SENP3: variants seen among roughly 807,000 people sequenced by gnomAD.
The protein encoded by SENP3 is sentrin-specific protease 3.
A neutral mutation model predicts 66.2 loss-of-function variants in SENP3; 11 were observed. That is an observed-to-expected ratio of 0.17 (90% CI 0.10 to 0.28). SENP3 has a LOEUF of 0.28. Among genes scored for constraint, SENP3 ranks in the 10% least tolerant of loss-of-function variants. The pLI is 1.00. For synonymous variants in SENP3, 292 were observed against 277.6 expected, an observed-to-expected ratio of 1.05 and a Z score of -0.52; for missense variants, 548 against 743.7, an observed-to-expected ratio of 0.74 and a Z score of 3.06.
In SENP3 at chr17:7,570,344, CTA is replaced by C. The variant is rs769135834; in HGVS notation, c.1342-10_1342-9del. 9.9e-5 allele frequency: 160 copies of C among 1,610,408 alleles called. No individual in the cohort carries two copies. The highest frequency in any genetic ancestry group is 1.3e-4 in the Non-Finnish European group (153 of 1,177,064). ...TGTTTGTTGTACCTGACCTGTGGCA[CTA>C]TCTCTTTAGGTGGACATCTTCAATA... On this transcript the variant is annotated splice_polypyrimidine_tract_variant and intron_variant, in intron 7 of 10. Transcript: ENST00000321337. This position sits in a 1 kb window ranked among gnomAD's most constrained non-coding sequence, Gnocchi z 5.4.
At position 7,563,516 on chromosome 17, in the gene SENP3, A is replaced by C; in HGVS notation, c.440A>C (p.His147Pro). Residue 147 changes from histidine to proline, a missense_variant, in exon 2 of 11, where the codon CAC becomes CCC. By Grantham distance (77) the His-to-Pro change is moderately conservative. Coordinates refer to ENST00000321337, the MANE Select transcript of SENP3 (RefSeq NM_015670.6). ...LYSKSTSLTF[H>P]WKLWGRHRGR... ...TCAAAAAGCACCTCGCTGACATTCC[A>C]CTGGAAGCTTTGGGGGCGCCACCGG... 1.3e-6 allele frequency: 2 copies of C among 1,547,858 alleles called. No homozygotes were observed. The highest frequency in any genetic ancestry group is 1.4e-5 in the African/African-American group (1 of 71,916).
intron 7 of SENP3, among the ~76,000 whole-genome samples, chr17:7,568,786 A>T (rs1355631875): frequency 6.6e-6 from 1 of 152,188 alleles, no homozygotes; most frequent in Non-Finnish European, 1.5e-5. Context: ...TGCTCTAGCA[A>T]ATTAATCAAA....
chr17:7,569,396 AAAG>A (rs2071294268), intron 7 of SENP3, among the ~76,000 whole-genome samples: 1 of 151,928 alleles, frequency 6.6e-6, no homozygotes, highest in Non-Finnish European at 1.5e-5. Context: ...AAAAAAAAAA[AAAG>A]ATTTGTTTTT....
rs2071325628 is a variant in SENP3 at position 7,571,887 on chromosome 17, ATATATATATATATATATAT to A, written c.*405_*423del. The stretch of plus-strand genomic sequence containing the variant: ...TATATATATATATATATATATATAT[ATATATATATATATATATAT>A]ATAAAAATATATAAATGCCACGGTC... On this transcript the variant is annotated 3_prime_UTR_variant, in exon 11 of 11. Coordinates refer to ENST00000321337, the MANE Select transcript of SENP3 (RefSeq NM_015670.6). 1.7e-4 allele frequency: 2 copies of A among 11,918 alleles called. No individual in the cohort carries two copies. Among genetic ancestry groups the A allele is most frequent in the Non-Finnish European group, 2.0e-4 (1 of 4,960 alleles). The allele number at this position is 11,918 out of a possible 1,614,324, so 0.7% of individuals were successfully genotyped here. A position where few individuals can be genotyped will look rare whatever the true frequency, so the allele number is the denominator to read the frequency against.
Position 7,570,698 on chromosome 17 carries a change from A to G in SENP3, c.1497A>G (p.Leu499=), listed in dbSNP as rs766968531. ...CCACATAGCATATTGCCAAGTATCTACAGGCAGAGGCGGTAAAGAAAGACC... is the reference window on the plus strand; with the variant it reads ...CCACATAGCATATTGCCAAGTATCTGCAGGCAGAGGCGGTAAAGAAAGACC... ...RRCPKHIAKY[L]QAEAVKKDRL... The change falls in exon 9 of 11, where the codon CTA becomes CTG. Residue 499 remains leucine (L), a synonymous_variant. Coordinates refer to ENST00000321337, the MANE Select transcript of SENP3 (RefSeq NM_015670.6). This position sits in a 1 kb window ranked among gnomAD's most constrained non-coding sequence, Gnocchi z 5.4. The G allele has an allele frequency of 1.2e-6, 2 of 1,612,958 alleles. No individual in the cohort carries two copies. Among genetic ancestry groups the G allele is most frequent in the South Asian group, 2.2e-5 (2 of 90,830 alleles).
intron 7 of SENP3, among the ~76,000 whole-genome samples, chr17:7,569,107 C>T (rs767563130): frequency 5.3e-5 from 8 of 151,968 alleles, no homozygotes; most frequent in Non-Finnish European, 1.2e-4. Context: ...GTTTTTTTGC[C>T]GGGCGCGGTG....
At position 7,565,606 on chromosome 17, in the gene SENP3, A is replaced by G. The variant is rs2071261177; in HGVS notation, c.1215+19A>G. 6.2e-7 allele frequency: 1 copy of G among 1,613,772 alleles called. No individual in the cohort carries two copies. The highest frequency in any genetic ancestry group is 8.5e-7 in the Non-Finnish European group (1 of 1,179,786). ...TGACCAGGTGAGAAAGGGTAGAGAA[A>G]CAGGCCTGAGAGGGGATTCAGGGAG... On this transcript the variant is annotated intron_variant, in intron 5 of 10. Coordinates refer to ENST00000321337, the MANE Select transcript of SENP3 (RefSeq NM_015670.6).
At position 7,571,863 on chromosome 17, in the gene SENP3, A is replaced by T. The variant is rs1261464815; in HGVS notation, c.*380A>T. 4 of 4,876 alleles carry T rather than the reference A, an allele frequency of 8.2e-4. No homozygotes were observed. Among genetic ancestry groups the T allele is most frequent in the Admixed American group, 4.5e-3 (3 of 668 alleles). The allele number at this position is 4,876 out of a possible 1,614,324, so 0.3% of individuals were successfully genotyped here. On this transcript the variant is annotated 3_prime_UTR_variant, in exon 11 of 11. Coordinates refer to ENST00000321337, the MANE Select transcript of SENP3 (RefSeq NM_015670.6). ...TATATATATATATATATATATATAT[A>T]TATATATATATATATATATATATAT...
In SENP3 at chr17:7,562,013, CGCTGGTGGCGGCGGTGGCGGAGGT is replaced by C. The variant is rs1264464033; in HGVS notation, c.-260_-237del. 1.2e-4 allele frequency: 48 copies of C among 399,272 alleles called. No homozygotes were observed. Among genetic ancestry groups the C allele is most frequent in the East Asian group, 1.4e-4 (4 of 27,956 alleles). The allele number at this position is 399,272 out of a possible 1,614,324, so 24.7% of individuals were successfully genotyped here. A position where few individuals can be genotyped will look rare whatever the true frequency, so the allele number is the denominator to read the frequency against. ...GGAGGAGTGGCGGCGGCGGCGGTGG[CGCTGGTGGCGGCGGTGGCGGAGGT>C]GGAGGTGGAGGTGGAAGCTGAAGCT... On this transcript the variant is annotated 5_prime_UTR_variant, in exon 1 of 11. Coordinates refer to ENST00000321337, the MANE Select transcript of SENP3 (RefSeq NM_015670.6). This position sits in a 1 kb window ranked among gnomAD's most constrained non-coding sequence, Gnocchi z 5.0.
At chr17:7,566,610 G>A (rs1243701632) in intron 6 of SENP3, among the ~76,000 whole-genome samples, 3 of 151,138 alleles carry the variant, frequency 2.0e-5, no homozygotes, top group Non-Finnish European at 4.4e-5. Flanking sequence ...AGGTTGCAGC[G>A]AGTCGAAATC....
Position 7,570,514 on chromosome 17 carries a change from G to A in SENP3, c.1479+21G>A. 3.1e-6 allele frequency: 5 copies of A among 1,606,550 alleles called. No homozygotes were observed. Among genetic ancestry groups the A allele is most frequent in the Non-Finnish European group, 4.3e-6 (5 of 1,175,752 alleles). ...CTAAGGTTTGAGGGGGTAGGAGAGA[G>A]ATGGGCAAAATGTGGGGCGGTGCAG... is the stretch of plus-strand genomic sequence containing the variant. On this transcript the variant is annotated intron_variant, in intron 8 of 10. Transcript: ENST00000321337. This position sits in a 1 kb window ranked among gnomAD's most constrained non-coding sequence, Gnocchi z 5.4.
chr17:7,565,432 C>T lies in SENP3; in HGVS notation c.1068-8C>T, dbSNP rs1383604994. On this transcript the variant is annotated splice_region_variant and splice_polypyrimidine_tract_variant and intron_variant, in intron 4 of 10. Transcript: ENST00000321337. ...TCTTTTGTGTGACTCCACCCTTGGC[C>T]TACTCAGGAAGGGCCTGGTGTTGCA... is the stretch of plus-strand genomic sequence containing the variant. 18 of 1,613,320 alleles carry T rather than the reference C, an allele frequency of 1.1e-5. No individual in the cohort carries two copies. The highest frequency in any genetic ancestry group is 1.5e-5 in the Non-Finnish European group (18 of 1,179,698).
chr17:7,561,964 C>G lies in SENP3; in HGVS notation c.-311C>G. The G allele has an allele frequency of 2.5e-6, 1 of 393,320 alleles. No individual in the cohort carries two copies. Among genetic ancestry groups the G allele is most frequent in the Admixed American group, 4.4e-5 (1 of 22,474 alleles). The allele number at this position is 393,320 out of a possible 1,614,324, so 24.4% of individuals were successfully genotyped here. A position where few individuals can be genotyped will look rare whatever the true frequency, so the allele number is the denominator to read the frequency against. On this transcript the variant is annotated 5_prime_UTR_variant, in exon 1 of 11. Coordinates refer to ENST00000321337, the MANE Select transcript of SENP3 (RefSeq NM_015670.6). The surrounding 1 kb of genome is among the most constrained non-coding windows in gnomAD (Gnocchi z 4.4). ...CACCGCTGCCGGTGGGCCCGGGGCT[C>G]GCGGGAGGGGAAGGAGGAGGGGGGG...
In SENP3 at chr17:7,564,845, G is replaced by C. The variant is rs2071255206; in HGVS notation, c.936G>C (p.Glu312Asp). The C allele has an allele frequency of 3.7e-6, 6 of 1,611,584 alleles. No homozygotes were observed. The highest frequency in any genetic ancestry group is 5.1e-6 in the Non-Finnish European group (6 of 1,178,636). Residue 312 changes from glutamate (E) to aspartate (D), a missense_variant, in exon 3 of 11, where the codon GAG (glutamate) becomes GAC (aspartate). This residue lies in a region of SENP3 where 215 missense variants were observed against 230.7 expected (regional missense o/e 0.93). Coordinates refer to ENST00000321337, the MANE Select transcript of SENP3 (RefSeq NM_015670.6). ...GCCAGCACAGCCCCCTGCGAGAGGA[G>C]CATGTGACCTGCGTACAGAGTAAGG... ...KAGQHSPLRE[E>D]HVTCVQSILD...
In SENP3 at chr17:7,566,983, G is replaced by C. The variant is rs2071274297; in HGVS notation, c.1320G>C (p.Gly440=). The change falls in exon 7 of 11, where the codon GGG becomes GGC. Residue 440 remains glycine (G), a synonymous_variant. Transcript: ENST00000321337. ...AACTCCGTACCAAGGGTTATGATGG[G>C]GTGAAAAGGTGGACCAAAAACGTGA... ...YDKLRTKGYD[G]VKRWTKNVDI... is the part of the protein sequence containing the mutation. 6.4e-7 allele frequency: 1 copy of C among 1,567,722 alleles called. No homozygotes were observed. Among genetic ancestry groups the C allele is most frequent in the Admixed American group, 1.9e-5 (1 of 53,028 alleles).
chr17:7,563,042 A>G (rs950093882), intron 1 of SENP3, 24 bp from the exon 2 acceptor site: 9 of 1,439,592 alleles, frequency 6.3e-6, no homozygotes, highest in Non-Finnish European at 8.2e-6. Context: ...TTAGATTTTG[A>G]TACCCTGATC....
chr17:7,568,202 C>T (rs890415762), intron 7 of SENP3, among the ~76,000 whole-genome samples: 9 of 151,292 alleles, frequency 5.9e-5, no homozygotes, highest in African/African-American at 2.2e-4. Flanking sequence ...AACTTTCAGC[C>T]TCACCCCCAC....
chr17:7,568,801 A>G (rs2071288362), intron 7 of SENP3, among the ~76,000 whole-genome samples: 1 of 152,218 alleles, frequency 6.6e-6, no homozygotes, highest in Admixed American at 6.5e-5. Flanking sequence ...ATCAAATTCA[A>G]GGAGGGGGTC....
intron 4 of SENP3, 106 bp from the exon 5 acceptor site, chr17:7,565,334 C>T (rs1481691969): frequency 2.0e-5 from 28 of 1,392,586 alleles, no homozygotes; most frequent in Non-Finnish European, 1.3e-5. Flanking sequence ...CATCATGAGC[C>T]AGAAAAAAGG....
Sources: allele counts gnomAD v4.1 joint callset (sites outside exome capture counted in the v4.1 genomes callset), GRCh38; gene constraint gnomAD v4.1.1; regional missense constraint gnomAD v4.1.1; non-coding constraint Gnocchi (gnomAD v3.1); transcripts MANE v1.5; gene names NCBI Gene and HGNC (gene_info 2026-07-23, HGNC 2026-07-21).